The following AQP7B variants were observed in gnomAD, a reference collection of about 807,000 sequenced individuals.
The protein encoded by AQP7B is aquaporin 7B.
At chr2:94,596,211 G>C in the AQP7B span, among the ~76,000 whole-genome samples, 1 of 152,222 alleles carries the variant, frequency 6.6e-6, no homozygotes, top group African/African-American at 2.4e-5. Flanking sequence ...CTTGACAAGG[G>C]TTCTTCTTTA....
At chr2:94,592,583 T>C in the AQP7B span, among the ~76,000 whole-genome samples, 1 of 151,892 alleles carries the variant, frequency 6.6e-6, no homozygotes, top group Non-Finnish European at 1.5e-5. Flanking sequence ...CCAAAGACAG[T>C]CCTGGGAAGG....
the AQP7B span, chr2:94,603,807 C>T: frequency 2.0e-6 from 3 of 1,517,022 alleles, no homozygotes; most frequent in East Asian, 2.3e-5. Flanking sequence ...TGGTGATAAG[C>T]ATCCTCGTGG....
At chr2:94,587,371 C>T in the AQP7B span, among the ~76,000 whole-genome samples, 1 of 152,170 alleles carries the variant, frequency 6.6e-6, no homozygotes, top group Non-Finnish European at 1.5e-5. Flanking sequence ...TGAGAAGCCC[C>T]CAAGGCAGAG....
chr2:94,594,862 T>A, the AQP7B span: 1 of 1,538,972 alleles, frequency 6.5e-7, no homozygotes, highest in South Asian at 1.1e-5. Context: ...CATGAGCACA[T>A]ATGTCATGAT....
the AQP7B span, chr2:94,603,138 T>A: frequency 4.6e-5 from 71 of 1,544,542 alleles, no homozygotes; most frequent in Admixed American, 9.3e-5. Context: ...CCTGGGCTCC[T>A]TCCTGGCAGC....
the AQP7B span, chr2:94,603,424 G>A: frequency 5.7e-5 from 92 of 1,609,540 alleles, no homozygotes; most frequent in Non-Finnish European, 7.3e-5. Flanking sequence ...GATGGTGACC[G>A]GTCCCTTTGC....
the AQP7B span, among the ~76,000 whole-genome samples, chr2:94,587,851 G>C: frequency 6.6e-6 from 1 of 152,090 alleles, no homozygotes; most frequent in African/African-American, 2.4e-5. Context: ...TGGAGCTGGG[G>C]CTGGAGGGTT....
the AQP7B span, among the ~76,000 whole-genome samples, chr2:94,594,550 C>A: frequency 1.3e-5 from 2 of 152,212 alleles, no homozygotes; most frequent in Admixed American, 1.3e-4. Context: ...TGGCCATCTA[C>A]CCCAGTTCCT....
At chr2:94,597,621 T>G in the AQP7B span, among the ~76,000 whole-genome samples, 6 of 151,562 alleles carry the variant, frequency 4.0e-5, no homozygotes, top group Admixed American at 6.6e-5. Flanking sequence ...TGTTTTTTTT[T>G]TTTTGTTTTT....
At chr2:94,591,330 C>T in the AQP7B span, among the ~76,000 whole-genome samples, 12 of 152,176 alleles carry the variant, frequency 7.9e-5, no homozygotes, top group East Asian at 1.9e-4. Context: ...CTAGTCATTC[C>T]GCTGCCCTAG....
At chr2:94,593,610 G>A in the AQP7B span, among the ~76,000 whole-genome samples, 106 of 150,464 alleles carry the variant, frequency 7.0e-4, no homozygotes, top group Non-Finnish European at 1.3e-3. Flanking sequence ...CTCAGCCTCC[G>A]AAGTAGCTGG....
At chr2:94,587,809 C>A in the AQP7B span, among the ~76,000 whole-genome samples, 1 of 152,064 alleles carries the variant, frequency 6.6e-6, no homozygotes, top group Non-Finnish European at 1.5e-5. Context: ...TTGCTGGAGT[C>A]ATTCCTCCCA....
chr2:94,601,809 C>G, the AQP7B span, among the ~76,000 whole-genome samples: 1 of 152,034 alleles, frequency 6.6e-6, no homozygotes, highest in Non-Finnish European at 1.5e-5. Flanking sequence ...GAGGATAGCA[C>G]AGGAGCCAGG....
At chr2:94,601,717 G>T in the AQP7B span, among the ~76,000 whole-genome samples, 2 of 152,122 alleles carry the variant, frequency 1.3e-5, no homozygotes, top group African/African-American at 2.4e-5. Flanking sequence ...CAGTTTGCTG[G>T]GAAGGATGAG....
chr2:94,602,796 C>G, the AQP7B span, among the ~76,000 whole-genome samples: 54 of 152,168 alleles, frequency 3.5e-4, no homozygotes, highest in African/African-American at 1.3e-3. Flanking sequence ...TCTTTCTGGG[C>G]CCCCCTGACC....
chr2:94,599,770 C>T, the AQP7B span, among the ~76,000 whole-genome samples: 2 of 152,210 alleles, frequency 1.3e-5, no homozygotes. Flanking sequence ...AACATCCCTC[C>T]CTTCACCCTG....
chr2:94,598,156 T>C, the AQP7B span, among the ~76,000 whole-genome samples: 2 of 152,304 alleles, frequency 1.3e-5, no homozygotes, highest in South Asian at 4.1e-4. Context: ...TAAGCCTATA[T>C]CGGATATTGT....
chr2:94,594,747 C>T, the AQP7B span: 3 of 1,571,876 alleles, frequency 1.9e-6, no homozygotes, highest in Non-Finnish European at 2.6e-6. Flanking sequence ...GTCTCAGGTC[C>T]ACCCGTGGCT....
the AQP7B span, chr2:94,594,826 A>C: frequency 1.3e-6 from 2 of 1,551,702 alleles, no homozygotes; most frequent in Non-Finnish European, 1.8e-6. Flanking sequence ...TGAGAGGAAG[A>C]TGGTGCGAGA....
Sources: gnomAD v4.1 joint callset for allele counts (sites outside exome capture counted in the v4.1 genomes callset) on GRCh38, gnomAD v4.1.1 for gene constraint, MANE v1.5 for transcripts, NCBI Gene and HGNC (gene_info 2026-07-23, HGNC 2026-07-21) for gene names.